ATP6V1E2: variants seen among roughly 807,000 people sequenced by gnomAD.
ATP6V1E2 encodes V-type proton ATPase subunit E 2.
For synonymous variants in ATP6V1E2, 121 were observed against 104.2 expected (o/e 1.16, Z -0.98); for missense variants, 308 against 273.3 (o/e 1.13, Z -0.90).
rs1282420732 is a variant in ATP6V1E2, at chr2:46,512,548, T to G, written c.164A>C (p.Glu55Ala). ...CTGCTTCTCCTTTTTCTCATAATAC[T>G]CCATAATCTTCAGTCGTTGGGTTTG... ...LVQTQRLKIM[E>A]YYEKKEKQIE... Residue 55 changes from glutamate to alanine, a missense_variant, in exon 5 of 5, where the codon GAG (glutamate) becomes GCG (alanine). Transcript: ENST00000522587. 9 of 1,614,100 alleles carry G rather than the reference T, an allele frequency of 5.6e-6. No individual in the cohort carries two copies. The highest frequency in any genetic ancestry group is 7.6e-6 in the Non-Finnish European group (9 of 1,180,046).
Position 46,511,938 on chromosome 2 carries a change from T to A in ATP6V1E2, c.*93A>T. On this transcript the variant is annotated 3_prime_UTR_variant, in exon 5 of 5. Transcript: ENST00000522587. ...AGAAAAACAGAACAGTATCAGAGCA[T>A]CAAAGAGGAGGAAACACTACTAGTT... 8.7e-7 allele frequency: 1 copy of A among 1,148,296 alleles called. No individual in the cohort carries two copies. Among genetic ancestry groups the A allele is most frequent in the Non-Finnish European group, 1.2e-6 (1 of 814,222 alleles). 71.1% of individuals were successfully genotyped at this position (1,148,296 alleles called of 1,614,324 possible).
At chr2:46,536,966 G>A (rs1432477842) in intron 2 of ATP6V1E2, among the ~76,000 whole-genome samples, 7 of 151,854 alleles carry the variant, frequency 4.6e-5, no homozygotes, top group African/African-American at 9.7e-5. Context: ...TATTTTTAGC[G>A]GAGATGGGGT....
At chr2:46,516,898 C>A (rs1337084550) in intron 4 of ATP6V1E2, among the ~76,000 whole-genome samples, 2 of 152,104 alleles carry the variant, frequency 1.3e-5, no homozygotes, top group Admixed American at 6.5e-5. Context: ...GTTAAAATGT[C>A]CATACTAACC....
chr2:46,531,979 G>A (rs1006382384), intron 4 of ATP6V1E2, among the ~76,000 whole-genome samples: 4 of 152,194 alleles, frequency 2.6e-5, no homozygotes, highest in African/African-American at 9.7e-5. Context: ...CTCTCATTCT[G>A]TATGCTGTCT....
chr2:46,526,734 G>A (rs1218844873), intron 4 of ATP6V1E2, among the ~76,000 whole-genome samples: 1 of 152,090 alleles, frequency 6.6e-6, no homozygotes, highest in African/African-American at 2.4e-5. Context: ...TTTATGGCTG[G>A]ATATTTCATT....
intron 2 of ATP6V1E2, among the ~76,000 whole-genome samples, chr2:46,538,263 C>A (rs1322035754): frequency 6.6e-6 from 1 of 152,138 alleles, no homozygotes; most frequent in Non-Finnish European, 1.5e-5. Flanking sequence ...AATGACAGGT[C>A]CAAGCTTGTC....
chr2:46,516,013 C>A (rs1001606878), intron 4 of ATP6V1E2, among the ~76,000 whole-genome samples: 1 of 152,100 alleles, frequency 6.6e-6, no homozygotes, highest in Non-Finnish European at 1.5e-5. Flanking sequence ...AACATCAGAG[C>A]ACCCAAATAT....
At chr2:46,532,609 T>G (rs568575953) in intron 4 of ATP6V1E2, among the ~76,000 whole-genome samples, 1 of 152,320 alleles carries the variant, frequency 6.6e-6, no homozygotes, top group African/African-American at 2.4e-5. Flanking sequence ...ATGGGATTAG[T>G]GCCCTTATAA....
rs138754673 is a variant in ATP6V1E2, at chr2:46,527,563, C to T, written c.-102+8250G>A. On this transcript the variant is annotated intron_variant, in intron 4 of 4. Transcript: ENST00000522587. ...AATTTTTTTGTAGAGGAAGGAGTCT[C>T]ACTTTGTTGCCCAGGCTGGTCTTGA... Among the ~76,000 whole-genome samples the T allele has an allele frequency of 1.2e-3, 188 of 152,242 alleles. 5 individuals are homozygous for T. In the East Asian group the frequency reaches 0.017, roughly 14 times the overall value.
rs1667844657 is a variant in ATP6V1E2, at chr2:46,542,569, G to A, written c.-726C>T. On this transcript the variant is annotated 5_prime_UTR_variant, in exon 1 of 5. Coordinates refer to ENST00000522587, the MANE Select transcript of ATP6V1E2 (RefSeq NM_001318063.2). ...CCGGCAGGGCCGCGCGGCGGCAGCA[G>A]GCGGGGGCGCGTGGCGCGGGCCGCG... 6.8e-6 allele frequency: 1 copy of A among 147,564 alleles called. No individual in the cohort carries two copies. The highest frequency in any genetic ancestry group is 2.0e-4 in the East Asian group (1 of 5,112). The allele number at this position is 147,564 out of a possible 1,614,324, so 9.1% of individuals were successfully genotyped here.
At chr2:46,515,764 T>A (rs1687685844) in intron 4 of ATP6V1E2, among the ~76,000 whole-genome samples, 2 of 152,190 alleles carry the variant, frequency 1.3e-5, no homozygotes, top group South Asian at 2.1e-4. Flanking sequence ...AACAAGATCT[T>A]ACTATTTGCT....
At chr2:46,524,386 A>G (rs112095733) in intron 4 of ATP6V1E2, among the ~76,000 whole-genome samples, 2 of 152,340 alleles carry the variant, frequency 1.3e-5, no homozygotes, top group Admixed American at 6.5e-5. Context: ...GGGCACATCA[A>G]CATAGTACCT....
intron 2 of ATP6V1E2, among the ~76,000 whole-genome samples, 174 bp from the exon 3 acceptor site, chr2:46,536,877 G>A (rs372825791): frequency 4.6e-5 from 7 of 151,644 alleles, no homozygotes; most frequent in Admixed American, 6.6e-5. Context: ...TCTGCCTCCC[G>A]TTTCAAGTGA....
intron 4 of ATP6V1E2, among the ~76,000 whole-genome samples, chr2:46,513,128 A>G (rs185151482): frequency 3.7e-4 from 57 of 152,334 alleles, no homozygotes; most frequent in Admixed American, 2.2e-3. Flanking sequence ...AAATTAATAC[A>G]TAAATGGAAA....
chr2:46,539,678 G>A (rs1258909798), intron 2 of ATP6V1E2, among the ~76,000 whole-genome samples: 1 of 152,188 alleles, frequency 6.6e-6, no homozygotes, highest in East Asian at 1.9e-4. Flanking sequence ...CACTAATCAT[G>A]CACTCTGTCC....
intron 4 of ATP6V1E2, among the ~76,000 whole-genome samples, chr2:46,525,559 A>AT (rs1666878586): frequency 6.6e-6 from 1 of 151,790 alleles, no homozygotes; most frequent in African/African-American, 2.4e-5. Flanking sequence ...GAGAGAGTTC[A>AT]TTTGGTCTAG....
intron 4 of ATP6V1E2, among the ~76,000 whole-genome samples, chr2:46,527,346 C>T (rs1251042055): frequency 6.6e-6 from 1 of 152,152 alleles, no homozygotes; most frequent in Admixed American, 6.5e-5. Flanking sequence ...CTCAGCCTCT[C>T]GAGTGGCTGG....
At chr2:46,524,854 C>A (rs1252965088) in intron 4 of ATP6V1E2, among the ~76,000 whole-genome samples, 2 of 152,102 alleles carry the variant, frequency 1.3e-5, no homozygotes, top group African/African-American at 4.8e-5. Context: ...TAGAAAGACA[C>A]TGGGGTGTGA....
intron 4 of ATP6V1E2, among the ~76,000 whole-genome samples, chr2:46,518,758 TTGTGTGTGTGTGTGTGTGTGTG>T (rs70940621): frequency 7.7e-4 from 108 of 140,712 alleles, no homozygotes; most frequent in South Asian, 1.4e-3. Flanking sequence ...CAAGTCAATT[TTGTGTGTGTGTGTGTGTGTGTG>T]TGTGTGTGTG....
Sources: allele counts gnomAD v4.1 joint callset (sites outside exome capture counted in the v4.1 genomes callset), GRCh38; gene constraint gnomAD v4.1.1; transcripts MANE v1.5; gene names NCBI Gene and HGNC (gene_info 2026-07-23, HGNC 2026-07-21).